Variants in GNAQ observed in about 807,000 individuals in gnomAD.
GNAQ encodes the protein guanine nucleotide-binding protein G(q) subunit alpha.
In GNAQ, 8 loss-of-function variants were observed where a neutral mutation model predicts 43.9. The ratio of observed to expected loss-of-function variants is 0.18; its 90% CI spans 0.11 to 0.33. The LOEUF is 0.33. GNAQ is among the 10% of genes least tolerant of loss of function. The probability of loss-of-function intolerance (pLI) is 1.00; values close to 1 mark genes in which losing one functional copy is unlikely to be tolerated. For missense variants in GNAQ, 158 were observed against 450.8 expected, an observed-to-expected ratio of 0.35 and a Z score of 5.88; for synonymous variants, 155 against 170.7, an observed-to-expected ratio of 0.91 and a Z score of 0.71.
chr9:77,948,214 A>C (rs905982184), intron 1 of GNAQ, among the ~76,000 whole-genome samples: 2 of 152,262 alleles, frequency 1.3e-5, no homozygotes, highest in Non-Finnish European at 2.9e-5. Context: ...AATTAACAAA[A>C]TAGTGCCTAT....
chr9:77,793,968 C>T (rs745729366), intron 5 of GNAQ, among the ~76,000 whole-genome samples: 11 of 151,920 alleles, frequency 7.2e-5, no homozygotes, highest in Non-Finnish European at 1.0e-4. Flanking sequence ...GCAGAAAGGC[C>T]GCATCACCAA....
intron 2 of GNAQ, among the ~76,000 whole-genome samples, chr9:77,865,704 C>T (rs925929212): frequency 3.3e-5 from 5 of 152,188 alleles, no homozygotes; most frequent in African/African-American, 1.2e-4. Flanking sequence ...CAAGTCAATC[C>T]TTTCTCTGGA....
At chr9:77,954,963 C>T (rs185082063) in intron 1 of GNAQ, among the ~76,000 whole-genome samples, 2 of 152,218 alleles carry the variant, frequency 1.3e-5, no homozygotes, top group East Asian at 1.9e-4. Context: ...TCTTGACCAC[C>T]GCATGATTTC....
chr9:77,765,141 A>G (rs953102271), intron 5 of GNAQ, among the ~76,000 whole-genome samples: 6 of 152,162 alleles, frequency 3.9e-5, no homozygotes, highest in Non-Finnish European at 7.4e-5. Flanking sequence ...AGTTTACAGA[A>G]GTGCTGTAAA....
rs142571974 is a variant in GNAQ, at chr9:78,024,485, G to A, written c.136+6615C>T. ...TAAAGATACAAGAGCAAGGATCTTT[G>A]CCTTCACGGAGCTTCCAATCCACTT... On this transcript the variant is annotated intron_variant, in intron 1 of 6. Coordinates refer to ENST00000286548, the MANE Select transcript of GNAQ (RefSeq NM_002072.5). 2.6e-5 allele frequency among the ~76,000 whole-genome samples: 4 copies of A among 152,296 alleles called. No homozygotes were observed. The East Asian group carries it at 5.8e-4, about 22-fold the overall frequency.
intron 6 of GNAQ, 75 bp downstream of exon 6, chr9:77,728,439 C>T (rs1053861554): frequency 1.2e-5 from 12 of 997,906 alleles, no homozygotes; most frequent in African/African-American, 4.8e-5. Context: ...CACTGTAGTG[C>T]GTTAACTCCC....
chr9:77,964,431 C>A (rs995952702), intron 1 of GNAQ, among the ~76,000 whole-genome samples: 12 of 152,098 alleles, frequency 7.9e-5, no homozygotes, highest in Non-Finnish European at 1.3e-4. Context: ...CTTTAACAAC[C>A]CTGTTAACCA....
At chr9:78,013,967 T>TATA (rs1449999362) in intron 1 of GNAQ, among the ~76,000 whole-genome samples, 1 of 152,088 alleles carries the variant, frequency 6.6e-6, no homozygotes, top group Non-Finnish European at 1.5e-5. Context: ...AAAATTTCCC[T>TATA]CCCATGCAGG....
At chr9:77,782,675 C>G (rs184656833) in intron 5 of GNAQ, among the ~76,000 whole-genome samples, 32 of 152,268 alleles carry the variant, frequency 2.1e-4, no homozygotes, top group Admixed American at 9.2e-4. Context: ...TGAAAACATG[C>G]CCACATAAAA....
intron 1 of GNAQ, among the ~76,000 whole-genome samples, chr9:77,928,939 A>G (rs1159643620): frequency 1.3e-5 from 2 of 152,186 alleles, no homozygotes; most frequent in Non-Finnish European, 2.9e-5. Context: ...AATCACTTGA[A>G]CCAGGGAGGC....
At chr9:77,951,944 G>A (rs1370562732) in intron 1 of GNAQ, among the ~76,000 whole-genome samples, 1 of 152,202 alleles carries the variant, frequency 6.6e-6, no homozygotes, top group Non-Finnish European at 1.5e-5. Context: ...CCATTCCCAT[G>A]AATCTCAGGC....
intron 1 of GNAQ, among the ~76,000 whole-genome samples, chr9:77,992,261 T>C (rs1288832733): frequency 1.3e-5 from 2 of 152,240 alleles, no homozygotes; most frequent in African/African-American, 4.8e-5. Context: ...AATGGAACCA[T>C]GCAAGAAACA....
intron 2 of GNAQ, among the ~76,000 whole-genome samples, chr9:77,888,705 A>G (rs1384112225): frequency 6.6e-6 from 1 of 152,154 alleles, no homozygotes; most frequent in Non-Finnish European, 1.5e-5. Context: ...GGCTGAGAAG[A>G]GTGTCAGATT....
At chr9:77,994,527 T>C (rs1007885597) in intron 1 of GNAQ, among the ~76,000 whole-genome samples, 6 of 152,216 alleles carry the variant, frequency 3.9e-5, no homozygotes, top group South Asian at 2.1e-4. Flanking sequence ...ATCCATTTCA[T>C]GGTGTATTAC....
In GNAQ at chr9:77,845,501, A is replaced by T. The variant is rs75719178; in HGVS notation, c.322-29731T>A. ...CCAGTTCCTTTGTGGATATTATTTT[A>T]AAAGTAATTTCTTCTGAGCAGGGTT... On this transcript the variant is annotated intron_variant, in intron 2 of 6. Transcript: ENST00000286548. 4.2e-3 allele frequency among the ~76,000 whole-genome samples: 644 copies of T among 152,334 alleles called. 4 individuals are homozygous for T. Among genetic ancestry groups the T allele is most frequent in the African/African-American group, 0.015 (617 of 41,574 alleles).
chr9:77,732,653 A>C (rs1449853186), intron 5 of GNAQ, among the ~76,000 whole-genome samples: 2 of 152,206 alleles, frequency 1.3e-5, no homozygotes, highest in African/African-American at 4.8e-5. Context: ...GGCGTGAGCC[A>C]CCGCACCCGG....
chr9:77,789,989 GAGA>G (rs1826542834), intron 5 of GNAQ, among the ~76,000 whole-genome samples: 2 of 152,122 alleles, frequency 1.3e-5, no homozygotes, highest in South Asian at 2.1e-4. Context: ...TGAAAGGTGA[GAGA>G]AGGAGTTTAA....
At chr9:77,965,226 T>TAC (rs1823151891) in intron 1 of GNAQ, among the ~76,000 whole-genome samples, 3 of 152,084 alleles carry the variant, frequency 2.0e-5, no homozygotes, top group African/African-American at 7.2e-5. Flanking sequence ...ACACCCATAA[T>TAC]TATATAAAGC....
At chr9:77,892,018 A>G (rs889642685) in intron 2 of GNAQ, among the ~76,000 whole-genome samples, 4 of 152,156 alleles carry the variant, frequency 2.6e-5, no homozygotes, top group Non-Finnish European at 4.4e-5. Flanking sequence ...TGTAACCAGA[A>G]AGCACCCCCC....
Sources: gnomAD v4.1 joint callset for allele counts (sites outside exome capture counted in the v4.1 genomes callset) on GRCh38, gnomAD v4.1.1 for gene constraint, MANE v1.5 for transcripts, NCBI Gene and HGNC (gene_info 2026-07-23, HGNC 2026-07-21) for gene names.